The following CCAR1 variants were observed in gnomAD, a reference collection of about 807,000 sequenced individuals.
The protein encoded by CCAR1 is cell division cycle and apoptosis regulator protein 1.
In CCAR1, 78 loss-of-function variants were observed where a neutral mutation model predicts 163.8. That is an observed-to-expected ratio of 0.48 (90% confidence interval 0.40 to 0.57). The LOEUF (loss-of-function observed/expected upper bound fraction) is 0.57. Among genes scored for constraint, CCAR1 ranks in the 20% least tolerant of loss-of-function variants. The pLI, the probability that CCAR1 is intolerant of heterozygous loss-of-function variation, is 0.00. For synonymous variants in CCAR1, 443 were observed against 460.7 expected (o/e 0.96, Z 0.49); for missense variants, 1,019 against 1,365.2 (o/e 0.75, Z 4.00).
In CCAR1 at chr10:68,788,147, CAG is replaced by C; in HGVS notation, c.3008_3009del (p.Arg1003IlefsTer47). The C allele has an allele frequency of 6.4e-7, 1 of 1,558,600 alleles. No individual in the cohort carries two copies. Among genetic ancestry groups the C allele is most frequent in the Non-Finnish European group, 8.6e-7 (1 of 1,159,038 alleles). ...ESLQEDMLGNRLLLPTPTVKQ... is the reference protein window; with the variant it reads ...ESLQEDMLGNXLLLPTPTVKQ... ...ATGGTATATTTTATATTATAGGAAA[CAG>C]ATTATTACTTCCAACACCAACAGTA... On this transcript the variant is annotated frameshift_variant, in exon 23 of 25. Transcript: ENST00000265872. LOFTEE classifies it high-confidence loss of function.
At chr10:68,761,554 CT>C (rs1298704646) in intron 16 of CCAR1, among the ~76,000 whole-genome samples, 4 of 152,078 alleles carry the variant, frequency 2.6e-5, no homozygotes, top group Non-Finnish European at 5.9e-5. Flanking sequence ...ATTCGCCTGC[CT>C]CAGCCTCCCA....
chr10:68,746,451 A>C (rs990195858), intron 6 of CCAR1, among the ~76,000 whole-genome samples: 14 of 151,838 alleles, frequency 9.2e-5, no homozygotes, highest in African/African-American at 3.4e-4. Flanking sequence ...GCTGGTCTTG[A>C]ACTCCTGACC....
intron 19 of CCAR1, among the ~76,000 whole-genome samples, chr10:68,777,544 C>T (rs777462118): frequency 7.9e-5 from 12 of 152,228 alleles, no homozygotes; most frequent in Non-Finnish European, 1.2e-4. Context: ...ATTAGCTGGG[C>T]ATGGTGGCGC....
intron 6 of CCAR1, among the ~76,000 whole-genome samples, chr10:68,744,679 A>G (rs1223123199): frequency 6.6e-6 from 1 of 152,128 alleles, no homozygotes; most frequent in Non-Finnish European, 1.5e-5. Flanking sequence ...CCCAAAGCAA[A>G]TCTTAGTCTT....
At chr10:68,731,070 A>G (rs769231184) in intron 2 of CCAR1, among the ~76,000 whole-genome samples, 1 of 152,128 alleles carries the variant, frequency 6.6e-6, no homozygotes, top group Non-Finnish European at 1.5e-5. Flanking sequence ...ATACATAGTG[A>G]TAAGTATCTA....
At chr10:68,771,185 C>T (rs1564547422) in intron 17 of CCAR1, 21 bp from the exon 18 acceptor site, 1 of 1,564,054 alleles carries the variant, frequency 6.4e-7, no homozygotes. Context: ...TGGCTAGGTT[C>T]ATGTTGATAT....
intron 16 of CCAR1, among the ~76,000 whole-genome samples, chr10:68,764,521 T>TAAA (rs1447555454): frequency 1.3e-5 from 2 of 151,550 alleles, no homozygotes; most frequent in East Asian, 3.9e-4. Context: ...GGTGACAGAG[T>TAAA]GAGACCCTGT....
chr10:68,740,059 T>G (rs1024245652), intron 4 of CCAR1, among the ~76,000 whole-genome samples: 3 of 152,192 alleles, frequency 2.0e-5, no homozygotes, highest in Non-Finnish European at 4.4e-5. Context: ...CAACAGTGCT[T>G]CTCATTTTAT....
chr10:68,775,052 G>T, intron 19 of CCAR1: 1 of 311,866 alleles, frequency 3.2e-6, no homozygotes, highest in Non-Finnish European at 6.1e-6. Flanking sequence ...TAATGAAAAA[G>T]TTGAAAAGAT....
At chr10:68,731,824 C>T (rs1203362574) in intron 2 of CCAR1, among the ~76,000 whole-genome samples, 3 of 151,984 alleles carry the variant, frequency 2.0e-5, no homozygotes, top group African/African-American at 7.3e-5. Context: ...CTCCTGACCT[C>T]AAGCAATTCA....
chr10:68,747,183 C>G lies in CCAR1; in HGVS notation c.541C>G (p.Gln181Glu). The change falls in exon 7 of 25, where the codon CAA becomes GAA. Residue 181 changes from glutamine (Q) to glutamate (E), a missense_variant. Physicochemically the swap from Gln to Glu is conservative, Grantham distance 29. This residue lies in a region of CCAR1 where 644 missense variants were observed against 904.4 expected (regional missense o/e 0.71). Transcript: ENST00000265872. Reference protein sequence around the residue: ...QLSAVKGKTPQVGDRVLVEAT... With the variant: ...QLSAVKGKTPEVGDRVLVEAT... ...CAGTGCTGTCAAAGGGAAAACCCCCCAAGTAGGTGACAGAGTATTGGTTGA... is the reference window on the plus strand; with the variant it reads ...CAGTGCTGTCAAAGGGAAAACCCCCGAAGTAGGTGACAGAGTATTGGTTGA... 1 of 1,597,146 alleles carries G rather than the reference C, an allele frequency of 6.3e-7. No homozygotes were observed. The highest frequency in any genetic ancestry group is 8.5e-7 in the Non-Finnish European group (1 of 1,172,792).
intron 2 of CCAR1, among the ~76,000 whole-genome samples, chr10:68,724,487 A>C (rs2055912259): frequency 6.6e-6 from 1 of 152,118 alleles, no homozygotes; most frequent in Admixed American, 6.6e-5. Context: ...CGGAGGTCTC[A>C]CTTTGTTACC....
intron 17 of CCAR1, among the ~76,000 whole-genome samples, chr10:68,768,442 T>G (rs1435205337): frequency 6.6e-6 from 1 of 151,808 alleles, no homozygotes; most frequent in Non-Finnish European, 1.5e-5. Flanking sequence ...AAACCCCATC[T>G]CTACTAAAAA....
At position 68,757,365 on chromosome 10, in the gene CCAR1, A is replaced by G. The variant is rs1210863441; in HGVS notation, c.1908A>G (p.Pro636=). ...CTACCCATTGGTCTAAACTTGATCC[A>G]AAGACAATGAAGGTAACTTTGATAA... ...STPTHWSKLD[P]KTMKVNDLRK... is the part of the protein sequence containing the mutation. Residue 636 remains proline, a synonymous_variant, in exon 15 of 25, where the codon CCA becomes CCG. Transcript: ENST00000265872. The G allele has an allele frequency of 6.5e-7, 1 of 1,548,374 alleles. No individual in the cohort carries two copies. The highest frequency in any genetic ancestry group is 2.3e-5 in the East Asian group (1 of 44,362).
In CCAR1 at chr10:68,749,463, C is replaced by A. The variant is rs375449720; in HGVS notation, c.957-61C>A. 7.0e-6 allele frequency: 10 copies of A among 1,433,010 alleles called. No homozygotes were observed. In the African/African-American group the frequency reaches 1.4e-4, roughly 21 times the overall value. 88.8% of individuals were successfully genotyped at this position (1,433,010 alleles called of 1,614,324 possible). On this transcript the variant is annotated intron_variant, in intron 9 of 24. Coordinates refer to ENST00000265872, the MANE Select transcript of CCAR1 (RefSeq NM_018237.4). ...CTTATATTACCTACTCTATTTACTT[C>A]ATTGAAGAGCTTTTCCATAATATTA...
chr10:68,721,795 G>A, intron 1 of CCAR1: 1 of 266,658 alleles, frequency 3.8e-6, no homozygotes, highest in Non-Finnish European at 7.6e-6. Flanking sequence ...TCTGGCCCTT[G>A]AGGGTCGTGG....
intron 16 of CCAR1, among the ~76,000 whole-genome samples, chr10:68,761,831 A>G (rs1044091789): frequency 1.4e-5 from 2 of 146,650 alleles, no homozygotes; most frequent in African/African-American, 5.1e-5. Context: ...CGAACTCCTG[A>G]CCTCAGGTGA....
intron 15 of CCAR1, among the ~76,000 whole-genome samples, chr10:68,759,658 A>G (rs909168551): frequency 5.3e-5 from 8 of 151,938 alleles, no homozygotes; most frequent in Non-Finnish European, 7.4e-5. Flanking sequence ...TGGAAGGTCA[A>G]TGCTGCCGCG....
chr10:68,752,765 G>A (rs1478026835), intron 10 of CCAR1, among the ~76,000 whole-genome samples: 2 of 152,116 alleles, frequency 1.3e-5, no homozygotes, highest in Admixed American at 6.6e-5. Context: ...ATAATACTTA[G>A]AAGCTGACAT....
Sources: gnomAD v4.1 joint callset for allele counts (sites outside exome capture counted in the v4.1 genomes callset) on GRCh38, gnomAD v4.1.1 for gene constraint, gnomAD v4.1.1 regional missense constraint, MANE v1.5 for transcripts, NCBI Gene and HGNC (gene_info 2026-07-23, HGNC 2026-07-21) for gene names.